The following RARB variants were observed in gnomAD, a reference collection of about 807,000 sequenced individuals.
RARB encodes HBV-activated protein.
RARB carries 17 observed loss-of-function variants against 51.9 expected under a neutral mutation model. The ratio of observed to expected loss-of-function variants is 0.33; its 90% CI spans 0.22 to 0.49. The LOEUF (loss-of-function observed/expected upper bound fraction) is 0.49. Among genes scored for constraint, RARB ranks in the 20% least tolerant of loss-of-function variants. RARB has a pLI of 0.99. For synonymous variants in RARB, 215 were observed against 195.4 expected (o/e 1.10, Z -0.84); for missense variants, 369 against 550.8 (o/e 0.67, Z 3.30).
At chr3:25,428,116 G>T, upstream of RARB, 1 of 756,232 alleles carries the variant, frequency 1.3e-6, no homozygotes. Flanking sequence ...GTCTGCTTTT[G>T]CAGGGCTGCT....
At chr3:25,456,682 T>TAGAGAGAG (rs201238732) in intron 1 of RARB, among the ~76,000 whole-genome samples, 118 of 88,352 alleles carry the variant, frequency 1.3e-3, no homozygotes, top group Non-Finnish European at 1.5e-3. Context: ...TATATATATA[T>TAGAGAGAG]AGAGAGAGAG....
chr3:25,059,589 T>TA (rs997901145), intron 2 of RARB, among the ~76,000 whole-genome samples: 3 of 151,828 alleles, frequency 2.0e-5, no homozygotes, highest in Admixed American at 1.3e-4. Flanking sequence ...GATGCTGCTT[T>TA]AAAAATAAAA....
intron 3 of RARB, among the ~76,000 whole-genome samples, chr3:25,102,981 C>G (rs2012334): frequency 0.73 from 111,225 of 152,054 alleles, 41,186 homozygotes; most frequent in Admixed American, 0.81. Flanking sequence ...ACCCAGGAGG[C>G]AGAGGTTGCA....
intron 5 of RARB, among the ~76,000 whole-genome samples, chr3:25,184,864 C>A (rs1002353997): frequency 3.3e-5 from 5 of 151,748 alleles, no homozygotes; most frequent in Admixed American, 3.3e-4. Flanking sequence ...GGCACTCCAG[C>A]CTGGGCAGCA....
rs544778276 is a variant in RARB, at chr3:25,142,525, T to C, written c.-280+10317T>C. Among the ~76,000 whole-genome samples, 11 of 152,226 alleles carry C rather than the reference T, an allele frequency of 7.2e-5. No individual in the cohort carries two copies. In the South Asian group the frequency reaches 2.3e-3, roughly 32 times the overall value. ...ATAATAATACTTTGAGGCAAAGATA[T>C]AATCTCTATGTCCTTCCCTCTCCCA... On this transcript the variant is annotated intron_variant, in intron 4 of 11. Transcript: ENST00000383772.
Position 25,364,007 on chromosome 3 carries a change from T to A in RARB, c.179-97186T>A, listed in dbSNP as rs568173618. ...TCAAACATCTTCTTAGTAGGTTCTA[T>A]CCTGACCATTCTCTTTCAAATTTCA... is the stretch of plus-strand genomic sequence containing the variant. On this transcript the variant is annotated intron_variant, in intron 5 of 11. Transcript: ENST00000383772. 2.0e-5 allele frequency among the ~76,000 whole-genome samples: 3 copies of A among 152,376 alleles called. No individual in the cohort carries two copies. In the East Asian group the frequency reaches 5.8e-4, roughly 29 times the overall value.
intron 2 of RARB, among the ~76,000 whole-genome samples, chr3:24,919,547 C>T (rs921149990): frequency 5.9e-5 from 9 of 151,960 alleles, no homozygotes; most frequent in African/African-American, 2.2e-4. Context: ...TTTTTCTGTC[C>T]ATGAATGTTC....
chr3:25,119,803 A>T (rs1187277791), intron 3 of RARB, among the ~76,000 whole-genome samples: 1 of 152,200 alleles, frequency 6.6e-6, no homozygotes, highest in African/African-American at 2.4e-5. Flanking sequence ...AGACTATAAG[A>T]TGCCTAGAGC....
At chr3:25,585,919 C>T (rs1701367242) in intron 5 of RARB, among the ~76,000 whole-genome samples, 1 of 152,102 alleles carries the variant, frequency 6.6e-6, no homozygotes, top group Non-Finnish European at 1.5e-5. Context: ...ACAGGTTGGG[C>T]AAGCTGAAGG....
intron 2 of RARB, among the ~76,000 whole-genome samples, chr3:24,926,667 A>C (rs1274186882): frequency 6.6e-6 from 1 of 152,014 alleles, no homozygotes; most frequent in Admixed American, 6.6e-5. Context: ...TTGTAGTAAG[A>C]ATGAGGAGTT....
At chr3:25,278,788 G>GTAGAA (rs1703453807) in intron 5 of RARB, among the ~76,000 whole-genome samples, 1 of 152,194 alleles carries the variant, frequency 6.6e-6, no homozygotes, top group Non-Finnish European at 1.5e-5. Flanking sequence ...AGCTGGGCCA[G>GTAGAA]CACATTCTAC....
chr3:25,176,142 C>T (rs552921459), intron 5 of RARB, among the ~76,000 whole-genome samples: 19 of 151,986 alleles, frequency 1.3e-4, no homozygotes, highest in African/African-American at 4.6e-4. Context: ...TAGATGTAGC[C>T]AAGAAGTTGA....
intron 4 of RARB, among the ~76,000 whole-genome samples, chr3:25,168,616 C>A (rs1023791064): frequency 6.6e-6 from 1 of 151,940 alleles, no homozygotes; most frequent in Non-Finnish European, 1.5e-5. Context: ...ACAAGAAAAA[C>A]TTTTAGATGT....
chr3:25,159,684 G>A (rs1375723475), intron 4 of RARB, among the ~76,000 whole-genome samples: 1 of 152,032 alleles, frequency 6.6e-6, no homozygotes, highest in African/African-American at 2.4e-5. Flanking sequence ...ATCTTTTAGA[G>A]GTTTTTCTGA....
intron 2 of RARB, among the ~76,000 whole-genome samples, chr3:25,006,894 C>T (rs1472616887): frequency 6.6e-6 from 1 of 152,114 alleles, no homozygotes; most frequent in Non-Finnish European, 1.5e-5. Context: ...TGTCCTAGAG[C>T]TCCTTATAAT....
intron 3 of RARB, among the ~76,000 whole-genome samples, chr3:25,529,923 G>C (rs1315916429): frequency 6.6e-6 from 1 of 152,118 alleles, no homozygotes; most frequent in Non-Finnish European, 1.5e-5. Context: ...CCCCTCAGTG[G>C]CTCGCTATTT....
chr3:25,358,165 G>A (rs1035440494), intron 5 of RARB, among the ~76,000 whole-genome samples: 1 of 152,116 alleles, frequency 6.6e-6, no homozygotes, highest in Non-Finnish European at 1.5e-5. Flanking sequence ...TTGAGCAGTG[G>A]TTTGTAGTTC....
At chr3:25,075,858 G>T (rs1455078420) in intron 3 of RARB, among the ~76,000 whole-genome samples, 4 of 152,130 alleles carry the variant, frequency 2.6e-5, no homozygotes, top group African/African-American at 9.7e-5. Flanking sequence ...TCAACTGACC[G>T]ATGAATCAAC....
intron 5 of RARB, among the ~76,000 whole-genome samples, chr3:25,338,605 CAAAAG>C (rs377734087): frequency 6.0e-4 from 91 of 152,210 alleles, no homozygotes; most frequent in Middle Eastern, 3.4e-3. Flanking sequence ...TAGGGAAGTT[CAAAAG>C]AAAAGATTCA....
Sources: allele counts gnomAD v4.1 joint callset (sites outside exome capture counted in the v4.1 genomes callset), GRCh38; gene constraint gnomAD v4.1.1; transcripts MANE v1.5; gene names NCBI Gene and HGNC (gene_info 2026-07-23, HGNC 2026-07-21).